Variants in FASTKD1 observed in about 807,000 individuals in gnomAD.
FASTKD1 encodes FAST kinase domain-containing protein 1, mitochondrial.
FASTKD1 carries 94 observed loss-of-function variants against 90.9 expected under a neutral mutation model. The observed-to-expected ratio is 1.03, with a 90% CI of 0.88 to 1.23. The LOEUF (loss-of-function observed/expected upper bound fraction) is 1.23. Among genes scored for constraint, FASTKD1 ranks in the 50% most tolerant of loss-of-function variants. The pLI, the probability that FASTKD1 is intolerant of heterozygous loss-of-function variation, is 0.00. For missense variants in FASTKD1, 945 were observed against 993.5 expected, an observed-to-expected ratio of 0.95 and a Z score of 0.66; for synonymous variants, 319 against 345.8, an observed-to-expected ratio of 0.92 and a Z score of 0.86.
chr2:169,541,647 T>G lies in FASTKD1; in HGVS notation c.1817-1468A>C, dbSNP rs527690763. On this transcript the variant is annotated intron_variant, in intron 9 of 14. Transcript: ENST00000453153. ...CATGATGCAGACACAATTAATATAT[T>G]TATACTTGCTTCATACCAGCTTCAC... Among the ~76,000 whole-genome samples the G allele has an allele frequency of 2.6e-5, 4 of 152,256 alleles. No homozygotes were observed. The South Asian group carries it at 8.3e-4, about 32-fold the overall frequency.
At chr2:169,534,902 G>A (rs866085995) in intron 12 of FASTKD1, among the ~76,000 whole-genome samples, 16 of 151,614 alleles carry the variant, frequency 1.1e-4, no homozygotes, top group Admixed American at 3.3e-4. Context: ...AGCAAACAGC[G>A]GCTATATCAT....
At chr2:169,556,575 G>T (rs1190763311) in intron 6 of FASTKD1, among the ~76,000 whole-genome samples, 3 of 152,046 alleles carry the variant, frequency 2.0e-5, no homozygotes, top group Admixed American at 2.0e-4. Context: ...TGTAATCCCA[G>T]CACTCTGGGA....
At chr2:169,535,875 G>A (rs1045963909) in intron 12 of FASTKD1, among the ~76,000 whole-genome samples, 1 of 151,998 alleles carries the variant, frequency 6.6e-6, no homozygotes. Context: ...CTTTGAGATA[G>A]AGATATCTAG....
intron 7 of FASTKD1, among the ~76,000 whole-genome samples, chr2:169,550,721 C>T (rs77379515): frequency 0.032 from 4,879 of 152,272 alleles, 116 homozygotes; most frequent in East Asian, 0.13. Context: ...TCAAATGATC[C>T]TCCTGCCTCA....
chr2:169,536,791 G>C (rs1416020609), intron 12 of FASTKD1, among the ~76,000 whole-genome samples: 1 of 152,146 alleles, frequency 6.6e-6, no homozygotes, highest in Non-Finnish European at 1.5e-5. Flanking sequence ...TTAGCATCAA[G>C]CACAGTATCT....
chr2:169,558,555 T>C (rs950453929), intron 5 of FASTKD1, among the ~76,000 whole-genome samples: 1 of 152,130 alleles, frequency 6.6e-6, no homozygotes, highest in African/African-American at 2.4e-5. Flanking sequence ...GTTCAAGCGA[T>C]TCTCCTGCCT....
chr2:169,546,617 C>T lies in FASTKD1; in HGVS notation c.1302G>A (p.Val434=). ...AAACGGCTTCAATTCGGGATATCCC[C>T]ACTTCGTCCAAGTGAGGAGAAGGGA... The part of the protein sequence containing the change: ...SLLPSPHLDE[V]GISRIEAVLP... Residue 434 remains valine, a synonymous_variant, in exon 8 of 15, where the codon GTG becomes GTA. Coordinates refer to ENST00000453153, the MANE Select transcript of FASTKD1 (RefSeq NM_024622.6). 6.2e-7 allele frequency: 1 copy of T among 1,614,136 alleles called. No homozygotes were observed. The highest frequency in any genetic ancestry group is 1.3e-5 in the African/African-American group (1 of 75,032).
chr2:169,563,092 G>T, intron 4 of FASTKD1, 133 bp downstream of exon 4: 1 of 765,972 alleles, frequency 1.3e-6, no homozygotes, highest in Non-Finnish European at 2.1e-6. Context: ...CTCTTTTGCA[G>T]ATGAGGATAA....
intron 12 of FASTKD1, among the ~76,000 whole-genome samples, chr2:169,533,056 C>G (rs1684560804): frequency 1.3e-5 from 2 of 151,986 alleles, no homozygotes. Context: ...TCCCATAATT[C>G]TACTACCTTC....
In FASTKD1 at chr2:169,528,958, C is replaced by T. The variant is rs1684366950; in HGVS notation, c.*867G>A. Among the ~76,000 whole-genome samples, 1 of 152,062 alleles carries T rather than the reference C, an allele frequency of 6.6e-6. No homozygotes were observed. Among genetic ancestry groups the T allele is most frequent in the Non-Finnish European group, 1.5e-5 (1 of 68,012 alleles). On this transcript the variant is annotated 3_prime_UTR_variant, in exon 15 of 15. Coordinates refer to ENST00000453153, the MANE Select transcript of FASTKD1 (RefSeq NM_024622.6). Reference sequence around the variant, plus strand: ...TTTAATGTTGGGGCACTTGAAAACTCAGTCCTCAGACCTCTCCTCCATTCA... The same window carrying T: ...TTTAATGTTGGGGCACTTGAAAACTTAGTCCTCAGACCTCTCCTCCATTCA...
intron 10 of FASTKD1, 92 bp from the exon 11 acceptor site, chr2:169,538,233 A>G: frequency 9.8e-7 from 1 of 1,016,628 alleles, no homozygotes; most frequent in South Asian, 1.6e-5. Context: ...CACTATTAGT[A>G]GATGCTTTTA....
chr2:169,566,810 C>A (rs1232265425), intron 3 of FASTKD1, among the ~76,000 whole-genome samples: 1 of 152,158 alleles, frequency 6.6e-6, no homozygotes, highest in Non-Finnish European at 1.5e-5. Context: ...CCATTTAAAT[C>A]ATTACAAATT....
Position 169,571,793 on chromosome 2 carries a change from TTGAAGCTTCCAAAGCA to T in FASTKD1, c.221_236del (p.Met74LysfsTer8), listed in dbSNP as rs1364478614. On this transcript the variant is annotated frameshift_variant, in exon 2 of 15. Transcript: ENST00000453153. LOFTEE classifies it high-confidence loss of function. ...TTTTTAACAGGCTGGTCTTCTGCTT[TTGAAGCTTCCAAAGCA>T]TATCAAATGCACATCCCACTTGCTT... 1.2e-6 allele frequency: 2 copies of T among 1,614,146 alleles called. No homozygotes were observed. Among genetic ancestry groups the T allele is most frequent in the Non-Finnish European group, 1.7e-6 (2 of 1,180,018 alleles).
chr2:169,530,632 A>G lies in FASTKD1; in HGVS notation c.2397T>C (p.Ala799=), dbSNP rs1304354748. The G allele has an allele frequency of 1.9e-6, 3 of 1,610,426 alleles. No individual in the cohort carries two copies. The highest frequency in any genetic ancestry group is 2.5e-6 in the Non-Finnish European group (3 of 1,178,958). The stretch of plus-strand genomic sequence containing the variant: ...GAATTTCCAAATGTCGTTTTTTCAT[A>G]GCAGATTTTCCTTTCATGTGAGGGA... ...RNIPHMKGKS[A]MKKRHLEILG... is the part of the protein sequence containing the mutation. The change falls in exon 14 of 15, where the codon GCT becomes GCC. Residue 799 remains alanine, a synonymous_variant. Transcript: ENST00000453153.
At chr2:169,541,485 T>C (rs1684953471) in intron 9 of FASTKD1, among the ~76,000 whole-genome samples, 1 of 152,170 alleles carries the variant, frequency 6.6e-6, no homozygotes. Context: ...ATGTATACCA[T>C]ACATGCAACA....
chr2:169,568,628 T>TA lies in FASTKD1; in HGVS notation c.446+555dup, dbSNP rs10618482. Among the ~76,000 whole-genome samples, 404 of 41,528 alleles carry TA rather than the reference T, an allele frequency of 9.7e-3. 19 individuals carry two copies. The highest frequency in any genetic ancestry group is 0.011 in the Non-Finnish European group (228 of 20,280). 27.2% of individuals were successfully genotyped at this position (41,528 alleles called of 152,430 possible). ...GGCAACATGTCAAGACCCTGTCCAT[T>TA]AAAAAAAAAAAAAAAAAAAAAAAAA... On this transcript the variant is annotated intron_variant, in intron 3 of 14. Coordinates refer to ENST00000453153, the MANE Select transcript of FASTKD1 (RefSeq NM_024622.6).
rs970900966 is a variant in FASTKD1 at position 169,536,513 on chromosome 2, A to G, written c.2188+714T>C. ...TTTAAATAGTATTTGATTTTTGGCT[A>G]CCATTTACACTGTTAGTTTATACCA... is the stretch of plus-strand genomic sequence containing the variant. On this transcript the variant is annotated intron_variant, in intron 12 of 14. Transcript: ENST00000453153. 5.9e-5 allele frequency among the ~76,000 whole-genome samples: 9 copies of G among 152,170 alleles called. No homozygotes were observed. The East Asian group carries it at 1.7e-3, about 29-fold the overall frequency.
At chr2:169,552,506 T>C (rs542057937) in intron 7 of FASTKD1, among the ~76,000 whole-genome samples, 98 of 152,200 alleles carry the variant, frequency 6.4e-4, no homozygotes, top group African/African-American at 2.2e-3. Context: ...ATAAAGAAAA[T>C]GTGGTAAATA....
intron 3 of FASTKD1, among the ~76,000 whole-genome samples, chr2:169,566,852 C>T (rs1390922173): frequency 6.6e-6 from 1 of 152,184 alleles, no homozygotes; most frequent in Non-Finnish European, 1.5e-5. Context: ...CACAGTGGCT[C>T]ACACCTGTAA....
Sources: gnomAD v4.1 joint callset for allele counts (sites outside exome capture counted in the v4.1 genomes callset) on GRCh38, gnomAD v4.1.1 for gene constraint, MANE v1.5 for transcripts, NCBI Gene and HGNC (gene_info 2026-07-23, HGNC 2026-07-21) for gene names.